Variants in SND1 observed in about 807,000 individuals in gnomAD.
SND1 encodes the protein staphylococcal nuclease and tudor domain containing 1.
SND1 carries 38 observed loss-of-function variants against 121.7 expected under a neutral mutation model. The observed-to-expected ratio is 0.31, with a 90% confidence interval of 0.24 to 0.41. The LOEUF (loss-of-function observed/expected upper bound fraction) is 0.41. Ranked by LOEUF, SND1 falls within the 10% of genes least tolerant of loss-of-function variation. The pLI, the probability that SND1 is intolerant of heterozygous loss-of-function variation, is 1.00. For synonymous variants in SND1, 401 were observed against 447.4 expected (o/e 0.90, Z 1.31); for missense variants, 868 against 1,184.6 (o/e 0.73, Z 3.92).
intron 14 of SND1, among the ~76,000 whole-genome samples, chr7:127,912,028 G>A (rs1800469562): frequency 6.6e-6 from 1 of 151,914 alleles, no homozygotes. Flanking sequence ...TGCTCAGGCT[G>A]GACTCGAACT....
chr7:127,798,493 C>T (rs1324782565), intron 10 of SND1, among the ~76,000 whole-genome samples: 1 of 152,180 alleles, frequency 6.6e-6, no homozygotes, highest in African/African-American at 2.4e-5. Context: ...TGTTTTGTCA[C>T]TGTTACTACA....
At chr7:127,829,476 A>G (rs1034062395) in intron 11 of SND1, among the ~76,000 whole-genome samples, 1 of 152,210 alleles carries the variant, frequency 6.6e-6, no homozygotes, top group Middle Eastern at 3.2e-3. Flanking sequence ...CTCCTTTTAT[A>G]TGATTTGACT....
At chr7:128,063,477 G>A (rs1474310385) in intron 16 of SND1, among the ~76,000 whole-genome samples, 1 of 152,164 alleles carries the variant, frequency 6.6e-6, no homozygotes, top group African/African-American at 2.4e-5. Context: ...TCTCACCTTC[G>A]AGGAGTTCTT....
At chr7:127,943,803 A>T (rs908867828) in intron 15 of SND1, among the ~76,000 whole-genome samples, 1 of 152,198 alleles carries the variant, frequency 6.6e-6, no homozygotes, top group African/African-American at 2.4e-5. Flanking sequence ...ATTGCTCCTT[A>T]ACTGTGCTGA....
chr7:127,867,900 TA>T (rs57966397), intron 12 of SND1, among the ~76,000 whole-genome samples: 18 of 148,336 alleles, frequency 1.2e-4, no homozygotes, highest in Middle Eastern at 3.5e-3. Flanking sequence ...ACCATTCCTT[TA>T]AAAAAAAAAA....
At chr7:127,962,346 C>A (rs139858866) in intron 15 of SND1, among the ~76,000 whole-genome samples, 22 of 152,282 alleles carry the variant, frequency 1.4e-4, no homozygotes, top group Non-Finnish European at 3.2e-4. Flanking sequence ...AAACCAGGTT[C>A]TTTGTATATA....
rs145348816 is a variant in SND1, at chr7:127,767,863, G to A, written c.1153-39621G>A. ...CCAGACATATATGGTATATCAGTAC[G>A]CATGTTAGGAATTGCCCTCAAACCC... On this transcript the variant is annotated intron_variant, in intron 10 of 23. Coordinates refer to ENST00000354725, the MANE Select transcript of SND1 (RefSeq NM_014390.4). Among the ~76,000 whole-genome samples, 290 of 152,184 alleles carry A rather than the reference G, an allele frequency of 1.9e-3. 1 individual carries two copies. Among genetic ancestry groups the A allele is most frequent in the African/African-American group, 6.5e-3 (268 of 41,522 alleles).
At position 128,092,178 on chromosome 7, in the gene SND1, G is replaced by C; in HGVS notation, c.*120G>C. 8.9e-7 allele frequency: 1 copy of C among 1,117,696 alleles called. No individual in the cohort carries two copies. The highest frequency in any genetic ancestry group is 2.0e-5 in the Admixed American group (1 of 49,320). 69.2% of individuals were successfully genotyped at this position (1,117,696 alleles called of 1,614,324 possible). A position where few individuals can be genotyped will look rare whatever the true frequency, so the allele number is the denominator to read the frequency against. ...GTAGATTGGGTCCAGCTTTGCTTCA[G>C]TGTGTGGAAATGTCTCGTGGGGTGG... On this transcript the variant is annotated 3_prime_UTR_variant, in exon 24 of 24. Coordinates refer to ENST00000354725, the MANE Select transcript of SND1 (RefSeq NM_014390.4). This position sits in a 1 kb window ranked among gnomAD's most constrained non-coding sequence, Gnocchi z 4.9.
chr7:127,928,504 T>C (rs188424297), intron 14 of SND1, among the ~76,000 whole-genome samples: 121 of 149,994 alleles, frequency 8.1e-4, no homozygotes, highest in African/African-American at 1.3e-3. Context: ...AGCCTAGGCG[T>C]CGCTTTTTTT....
chr7:127,854,429 G>A (rs1799229636), intron 12 of SND1, among the ~76,000 whole-genome samples: 1 of 151,780 alleles, frequency 6.6e-6, no homozygotes. Flanking sequence ...CTCCGGCCAG[G>A]GCTTTATTCT....
chr7:127,804,772 G>A (rs1016070230), intron 10 of SND1, among the ~76,000 whole-genome samples: 1 of 152,072 alleles, frequency 6.6e-6, no homozygotes, highest in Non-Finnish European at 1.5e-5. Context: ...TAAGTTGCAG[G>A]ATTTTGGGTT....
intron 1 of SND1, among the ~76,000 whole-genome samples, chr7:127,674,715 A>G (rs79527640): frequency 0.015 from 2,350 of 152,368 alleles, 22 homozygotes; most frequent in Middle Eastern, 0.044. Context: ...TTGGAGAAAA[A>G]AAATGCTTTG....
chr7:128,043,400 C>T (rs1160999107), intron 16 of SND1, among the ~76,000 whole-genome samples: 1 of 151,844 alleles, frequency 6.6e-6, no homozygotes, highest in African/African-American at 2.4e-5. Context: ...ATGGTAAAAC[C>T]CCATTTCTAC....
At chr7:127,990,872 A>C in intron 15 of SND1, 75 bp from the exon 16 acceptor site, 2 of 971,092 alleles carry the variant, frequency 2.1e-6, no homozygotes, top group Non-Finnish European at 3.2e-6. Context: ...TGGAGGTGTC[A>C]GGGGACCGTC....
chr7:127,847,662 A>G (rs1799091081), intron 12 of SND1, among the ~76,000 whole-genome samples: 2 of 152,194 alleles, frequency 1.3e-5, no homozygotes, highest in African/African-American at 2.4e-5. Flanking sequence ...TCCCACACAT[A>G]TTTATTTTGC....
intron 15 of SND1, among the ~76,000 whole-genome samples, chr7:127,964,721 T>C (rs1487679318): frequency 6.7e-6 from 1 of 148,940 alleles, no homozygotes; most frequent in Non-Finnish European, 1.5e-5. Context: ...TGGCTTAGGA[T>C]TGACTTGGCT....
intron 10 of SND1, among the ~76,000 whole-genome samples, chr7:127,739,328 G>A (rs1282892551): frequency 6.6e-6 from 1 of 152,144 alleles, no homozygotes; most frequent in Non-Finnish European, 1.5e-5. Context: ...CTTTCTATAT[G>A]CCCTTTACTG....
chr7:127,791,694 T>TC (rs1290339159), intron 10 of SND1, among the ~76,000 whole-genome samples: 3 of 152,218 alleles, frequency 2.0e-5, no homozygotes, highest in Non-Finnish European at 4.4e-5. Flanking sequence ...TAAGAGAAGT[T>TC]CCTAGACTTC....
chr7:127,761,834 A>T (rs1170140854), intron 10 of SND1, among the ~76,000 whole-genome samples: 1 of 152,202 alleles, frequency 6.6e-6, no homozygotes, highest in Non-Finnish European at 1.5e-5. Context: ...GTATAGCAGT[A>T]TGATTGTTAC....
Sources: allele counts gnomAD v4.1 joint callset (sites outside exome capture counted in the v4.1 genomes callset), GRCh38; gene constraint gnomAD v4.1.1; non-coding constraint Gnocchi (gnomAD v3.1); transcripts MANE v1.5; gene names NCBI Gene and HGNC (gene_info 2026-07-23, HGNC 2026-07-21).